CORO2B: variants seen among roughly 807,000 people sequenced by gnomAD.
CORO2B encodes coronin-2B.
CORO2B carries 26 observed loss-of-function variants against 58.8 expected under a neutral mutation model. That is an observed-to-expected ratio of 0.44 (90% CI 0.32 to 0.61). The LOEUF (loss-of-function observed/expected upper bound fraction) is 0.61. Among genes scored for constraint, CORO2B ranks in the 20% least tolerant of loss-of-function variants. The pLI is 0.04. For synonymous variants in CORO2B, 242 were observed against 253.8 expected (o/e 0.95, Z 0.44); for missense variants, 460 against 645.1 (o/e 0.71, Z 3.11).
upstream of CORO2B, among the ~76,000 whole-genome samples, chr15:68,578,814 G>A (rs576316667): frequency 1.1e-4 from 16 of 152,064 alleles, no homozygotes; most frequent in African/African-American, 3.6e-4. The surrounding 1 kb of genome is among the most constrained non-coding windows in gnomAD (Gnocchi z 4.2). Context: ...CCGGGCGCCC[G>A]TCCGGACTCC....
the CORO2B span, among the ~76,000 whole-genome samples, chr15:68,546,747 C>G: frequency 6.6e-6 from 1 of 152,134 alleles, no homozygotes; most frequent in Non-Finnish European, 1.5e-5. Context: ...TCTACCTGCC[C>G]CCTTCTTGTC....
chr15:68,683,029 C>G (rs1354293857), intron 2 of CORO2B, among the ~76,000 whole-genome samples: 1 of 152,176 alleles, frequency 6.6e-6, no homozygotes, highest in African/African-American at 2.4e-5. Context: ...CCCATGCACA[C>G]AGGAGAAGTT....
rs201903698 is a variant in CORO2B, at chr15:68,645,372, C to T, written c.216+12C>T. On this transcript the variant is annotated intron_variant, in intron 2 of 11. Coordinates refer to ENST00000261861, the MANE Select transcript of CORO2B (RefSeq NM_006091.5). This position sits in a 1 kb window ranked among gnomAD's most constrained non-coding sequence, Gnocchi z 4.5. Reference sequence around the variant, plus strand: ...TCCCCCTGGAGCAGGTAGGTGGCCCCTACCTTCACTCCAGCTGCAGCTCCA... The same window carrying T: ...TCCCCCTGGAGCAGGTAGGTGGCCCTTACCTTCACTCCAGCTGCAGCTCCA... 1,007 of 1,608,102 alleles carry T rather than the reference C, an allele frequency of 6.3e-4. 3 individuals carry two copies. The highest frequency in any genetic ancestry group is 7.8e-4 in the Non-Finnish European group (915 of 1,179,388).
At chr15:68,720,977 G>T (rs1416289186) in intron 11 of CORO2B, among the ~76,000 whole-genome samples, 2 of 152,142 alleles carry the variant, frequency 1.3e-5, no homozygotes, top group Admixed American at 1.3e-4. Context: ...ACCTATGCAG[G>T]TTCAAGCGAT....
rs1224592655 is a variant in CORO2B at position 68,727,494 on chromosome 15, C to T, written c.*1520C>T. 1.3e-5 allele frequency: 2 copies of T among 152,268 alleles called. No individual in the cohort carries two copies. The highest frequency in any genetic ancestry group is 4.8e-5 in the African/African-American group (2 of 41,442). 9.4% of individuals were successfully genotyped at this position (152,268 alleles called of 1,614,324 possible). ...CTTTTCTTTCATTAGCTAGGATCTA[C>T]TAGATGCATTATACTCCATACCTGC... On this transcript the variant is annotated 3_prime_UTR_variant, in exon 12 of 12. Transcript: ENST00000261861.
chr15:68,709,558 G>A (rs1892865653), intron 3 of CORO2B, among the ~76,000 whole-genome samples: 1 of 150,504 alleles, frequency 6.6e-6, no homozygotes, highest in Non-Finnish European at 1.5e-5. Flanking sequence ...CTGGCCTCAA[G>A]CGATCCTCCC....
At chr15:68,580,397 GC>G (rs1435664120) in intron 1 of CORO2B, among the ~76,000 whole-genome samples, 1 of 26,522 alleles carries the variant, frequency 3.8e-5, no homozygotes. Context: ...GAGCAGTGGG[GC>G]CAGATGGAGG....
chr15:68,575,168 T>C (rs950543344), upstream of CORO2B, among the ~76,000 whole-genome samples: 1 of 152,046 alleles, frequency 6.6e-6, no homozygotes, highest in Non-Finnish European at 1.5e-5. Flanking sequence ...AGCATAGCCC[T>C]GAAGTGCAAG....
intron 1 of CORO2B, among the ~76,000 whole-genome samples, chr15:68,591,409 G>A (rs759185701): frequency 5.3e-5 from 8 of 152,232 alleles, no homozygotes; most frequent in Non-Finnish European, 8.8e-5. Context: ...TGGAGGGGCT[G>A]TATGTGGCTG....
At chr15:68,696,557 C>CAAA (rs3985628) in intron 3 of CORO2B, among the ~76,000 whole-genome samples, 3,173 of 109,986 alleles carry the variant, frequency 0.029, 184 homozygotes, top group African/African-American at 0.09. Context: ...GACTCTGCCT[C>CAAA]AAAAAAAAAA....
chr15:68,674,104 C>T (rs1313785111), intron 2 of CORO2B, among the ~76,000 whole-genome samples: 1 of 152,168 alleles, frequency 6.6e-6, no homozygotes, highest in Non-Finnish European at 1.5e-5. Context: ...GTGTGTGTCT[C>T]GGGTCCTGGT....
At chr15:68,546,101 T>C in the CORO2B span, among the ~76,000 whole-genome samples, 2 of 152,292 alleles carry the variant, frequency 1.3e-5, no homozygotes, top group South Asian at 4.1e-4. Flanking sequence ...GAAAATCGAC[T>C]TGGTGCTCCT....
intron 2 of CORO2B, among the ~76,000 whole-genome samples, chr15:68,679,338 GA>G (rs1902698037): frequency 6.6e-6 from 1 of 152,190 alleles, no homozygotes; most frequent in African/African-American, 2.4e-5. Context: ...GACACTTTCT[GA>G]GCACATGCAC....
intron 2 of CORO2B, among the ~76,000 whole-genome samples, chr15:68,650,280 A>C (rs571012341): frequency 4.7e-5 from 7 of 148,310 alleles, no homozygotes; most frequent in Admixed American, 1.4e-4. Context: ...AGGCAGGAGA[A>C]TTGGAGGCGG....
intron 2 of CORO2B, among the ~76,000 whole-genome samples, chr15:68,667,726 G>A (rs560344753): frequency 1.3e-5 from 2 of 152,322 alleles, no homozygotes; most frequent in East Asian, 3.9e-4. Context: ...AGAGTGCACT[G>A]AAGATGGGCG....
intron 2 of CORO2B, among the ~76,000 whole-genome samples, chr15:68,668,966 T>C (rs1436154075): frequency 6.6e-6 from 1 of 151,774 alleles, no homozygotes; most frequent in Non-Finnish European, 1.5e-5. Flanking sequence ...TAATCCCAAC[T>C]ACTCGGGAGG....
chr15:68,556,073 G>C, the CORO2B span, among the ~76,000 whole-genome samples: 3 of 152,368 alleles, frequency 2.0e-5, no homozygotes, highest in South Asian at 6.2e-4. Context: ...CTCAGGATAA[G>C]GTGGGGTGAG....
intron 2 of CORO2B, among the ~76,000 whole-genome samples, chr15:68,689,152 T>C (rs1892295509): frequency 6.6e-6 from 1 of 152,032 alleles, no homozygotes; most frequent in Admixed American, 6.6e-5. Flanking sequence ...CTGTGAGCCC[T>C]CCAGGATAAT....
At chr15:68,695,302 C>G (rs1567011918) in intron 3 of CORO2B, 46 bp downstream of exon 3, 1 of 1,430,480 alleles carries the variant, frequency 7.0e-7, no homozygotes. Context: ...CAGGCCCCTC[C>G]CTGCTTCCTT....
Sources: gnomAD v4.1 joint callset for allele counts (sites outside exome capture counted in the v4.1 genomes callset) on GRCh38, gnomAD v4.1.1 for gene constraint, Gnocchi (gnomAD v3.1) non-coding constraint, MANE v1.5 for transcripts, NCBI Gene and HGNC (gene_info 2026-07-23, HGNC 2026-07-21) for gene names.